Variants in PACS1 observed in about 807,000 individuals in gnomAD.
The protein encoded by PACS1 is PACS-1.
A neutral mutation model predicts 115.0 loss-of-function variants in PACS1; 24 were observed. That is an observed-to-expected ratio of 0.21 (90% CI 0.15 to 0.29). PACS1 has a LOEUF of 0.29. Among genes scored for constraint, PACS1 ranks in the 10% least tolerant of loss-of-function variants. PACS1 has a pLI of 1.00. For missense variants in PACS1, 838 were observed against 1,251.2 expected, an observed-to-expected ratio of 0.67 and a Z score of 4.98; for synonymous variants, 453 against 504.5, an observed-to-expected ratio of 0.90 and a Z score of 1.37.
At chr11:66,227,367 C>T (rs775508770) in intron 10 of PACS1, 137 bp from the exon 11 acceptor site, 27 of 599,048 alleles carry the variant, frequency 4.5e-5, no homozygotes, top group Non-Finnish European at 7.8e-5. Context: ...CCCCGGCCCA[C>T]ATAAGAAAAA....
chr11:66,075,943 TAGCC>T (rs1857388737), intron 1 of PACS1, among the ~76,000 whole-genome samples: 1 of 152,152 alleles, frequency 6.6e-6, no homozygotes, highest in South Asian at 2.1e-4. Context: ...TTTACCATGT[TAGCC>T]AGGATGCTCT....
At chr11:66,225,758 C>T (rs1360152792) in intron 10 of PACS1, among the ~76,000 whole-genome samples, 1 of 152,146 alleles carries the variant, frequency 6.6e-6, no homozygotes, top group African/African-American at 2.4e-5. Flanking sequence ...TGTTATCACC[C>T]AGTTCATTCT....
At chr11:66,093,988 T>G (rs1266343498) in intron 1 of PACS1, among the ~76,000 whole-genome samples, 149 of 150,582 alleles carry the variant, frequency 9.9e-4, no homozygotes, top group Non-Finnish European at 1.9e-3. Context: ...AAGATGTTCT[T>G]TGAAACCAAC....
intron 1 of PACS1, among the ~76,000 whole-genome samples, chr11:66,131,416 A>T (rs1858700421): frequency 6.6e-6 from 1 of 152,160 alleles, no homozygotes; most frequent in Non-Finnish European, 1.5e-5. Flanking sequence ...TGACCTGGTC[A>T]TATCATTTTC....
intron 1 of PACS1, among the ~76,000 whole-genome samples, chr11:66,149,705 T>A (rs1859195771): frequency 6.6e-6 from 1 of 151,922 alleles, no homozygotes; most frequent in Admixed American, 6.6e-5. Context: ...TGTGTGTGTG[T>A]GTTTTACATG....
intron 7 of PACS1, chr11:66,218,094 C>T (rs1330914670): frequency 6.5e-6 from 1 of 152,736 alleles, no homozygotes; most frequent in Non-Finnish European, 1.5e-5. Context: ...GCATTCTTCT[C>T]TCCCACCAAG....
At chr11:66,187,497 C>G (rs970590002) in intron 1 of PACS1, among the ~76,000 whole-genome samples, 2 of 152,164 alleles carry the variant, frequency 1.3e-5, no homozygotes, top group East Asian at 3.8e-4. Context: ...ATCATCTGTT[C>G]TACTTTTTAC....
rs975368088 is a variant in PACS1 at position 66,242,896 on chromosome 11, C to A, written c.2657-16C>A. On this transcript the variant is annotated splice_polypyrimidine_tract_variant and intron_variant, in intron 22 of 23. Transcript: ENST00000320580. ...CCCCAGGGGCTGGGACACAGGTGGC[C>A]TTGCTTGCTTTCCAGTTCCCACCAT... 6.2e-7 allele frequency: 1 copy of A among 1,613,816 alleles called. No individual in the cohort carries two copies. The highest frequency in any genetic ancestry group is 1.3e-5 in the African/African-American group (1 of 74,876).
chr11:66,205,364 T>C (rs921135609), intron 2 of PACS1, among the ~76,000 whole-genome samples: 1 of 151,956 alleles, frequency 6.6e-6, no homozygotes, highest in Non-Finnish European at 1.5e-5. Flanking sequence ...ACGATTACAG[T>C]CAATGATAAT....
rs1318050151 is a variant in PACS1, at chr11:66,236,542, G to A, written c.2250+602G>A. On this transcript the variant is annotated intron_variant, in intron 19 of 23. Coordinates refer to ENST00000320580, the MANE Select transcript of PACS1 (RefSeq NM_018026.4). This position sits in a 1 kb window ranked among gnomAD's most constrained non-coding sequence, Gnocchi z 4.2. ...ATCTCTATACTAGTAAACTTTGAAA[G>A]TCAAGGAAGAACCCCGTGGATGTCT... 6.6e-6 allele frequency among the ~76,000 whole-genome samples: 1 copy of A among 150,740 alleles called. No homozygotes were observed. The highest frequency in any genetic ancestry group is 1.5e-5 in the Non-Finnish European group (1 of 67,236).
At chr11:66,122,104 C>T (rs576507690) in intron 1 of PACS1, among the ~76,000 whole-genome samples, 15 of 152,288 alleles carry the variant, frequency 9.8e-5, no homozygotes, top group African/African-American at 3.6e-4. Flanking sequence ...CAGCTGGTGA[C>T]TTTAAGTTGA....
chr11:66,149,633 C>G (rs981837001), intron 1 of PACS1, among the ~76,000 whole-genome samples: 11 of 151,862 alleles, frequency 7.2e-5, no homozygotes, highest in Non-Finnish European at 1.3e-4. Flanking sequence ...AATCAAGTAC[C>G]CGGTCTATAA....
intron 1 of PACS1, among the ~76,000 whole-genome samples, chr11:66,122,558 A>G (rs1222328417): frequency 6.6e-6 from 1 of 152,264 alleles, no homozygotes; most frequent in South Asian, 2.1e-4. Context: ...TTTAGATGCC[A>G]TTAAGAACAT....
intron 7 of PACS1, among the ~76,000 whole-genome samples, chr11:66,218,885 A>C (rs1342609433): frequency 6.6e-6 from 1 of 151,754 alleles, no homozygotes; most frequent in Non-Finnish European, 1.5e-5. Flanking sequence ...GGCCCAGTAC[A>C]ACAGCATGCA....
intron 1 of PACS1, among the ~76,000 whole-genome samples, chr11:66,124,404 G>T (rs1020970734): frequency 2.2e-4 from 34 of 152,262 alleles, no homozygotes; most frequent in African/African-American, 7.7e-4. Flanking sequence ...ATAACCTAGA[G>T]TTATATAGTT....
chr11:66,152,296 G>A (rs760694470), intron 1 of PACS1, among the ~76,000 whole-genome samples: 26 of 152,302 alleles, frequency 1.7e-4, no homozygotes, highest in African/African-American at 2.6e-4. Context: ...AATCTGTGCC[G>A]TTGAAGATAG....
intron 1 of PACS1, among the ~76,000 whole-genome samples, chr11:66,075,170 C>T (rs1857374487): frequency 6.6e-6 from 1 of 152,106 alleles, no homozygotes; most frequent in African/African-American, 2.4e-5. Context: ...GTCTCGATCT[C>T]CTGAGCTTGT....
rs778999471 is a variant in PACS1, at chr11:66,230,562, G to A, written c.1389G>A (p.Gln463=). Reference sequence around the variant, plus strand: ...CTCCATGGTAGGAAATCACTGACCAGGACATGTTTGGAGATGCCAGCACGA... The same window carrying A: ...CTCCATGGTAGGAAATCACTGACCAAGACATGTTTGGAGATGCCAGCACGA... The part of the protein sequence containing the change: ...TETDTLEITD[Q]DMFGDASTSL... The change falls in exon 12 of 24, where the codon CAG becomes CAA. Residue 463 remains glutamine (Q), a synonymous_variant. Coordinates refer to ENST00000320580, the MANE Select transcript of PACS1 (RefSeq NM_018026.4). 13 of 1,613,854 alleles carry A rather than the reference G, an allele frequency of 8.1e-6. No individual in the cohort carries two copies. Among genetic ancestry groups the A allele is most frequent in the Non-Finnish European group, 1.0e-5 (12 of 1,179,704 alleles).
intron 1 of PACS1, among the ~76,000 whole-genome samples, chr11:66,110,856 G>A (rs924566229): frequency 2.0e-5 from 3 of 152,106 alleles, no homozygotes; most frequent in Non-Finnish European, 2.9e-5. Context: ...GGCATGAGCC[G>A]TAGCACCCAG....
Sources: gnomAD v4.1 joint callset for allele counts (sites outside exome capture counted in the v4.1 genomes callset) on GRCh38, gnomAD v4.1.1 for gene constraint, Gnocchi (gnomAD v3.1) non-coding constraint, MANE v1.5 for transcripts, NCBI Gene and HGNC (gene_info 2026-07-23, HGNC 2026-07-21) for gene names.